TNK2: variants seen among roughly 807,000 people sequenced by gnomAD.
The protein encoded by TNK2 is tyrosine kinase non receptor 2, also known as activated CDC42 kinase 1.
TNK2 carries 83 observed loss-of-function variants against 101.8 expected under a neutral mutation model. The ratio of observed to expected loss-of-function variants is 0.82; its 90% CI spans 0.68 to 0.98. The LOEUF is 0.98. Among genes scored for constraint, TNK2 ranks in the 50% least tolerant of loss-of-function variants. The pLI is 0.00. For missense variants in TNK2, 1,665 were observed against 1,483.2 expected, an observed-to-expected ratio of 1.12 and a Z score of -2.01; for synonymous variants, 804 against 633.0, an observed-to-expected ratio of 1.27 and a Z score of -4.06.
At chr3:195,883,357 A>G in intron 4 of TNK2, 48 bp from the exon 5 acceptor site, 1 of 1,604,968 alleles carries the variant, frequency 6.2e-7, no homozygotes, top group South Asian at 1.1e-5. Context: ...CAGGTCCCAG[A>G]CACGCGGAGC....
intron 15 of TNK2, 106 bp downstream of exon 15, chr3:195,866,783 C>T: frequency 2.7e-6 from 4 of 1,474,762 alleles, no homozygotes; most frequent in Non-Finnish European, 2.7e-6. Flanking sequence ...GCTGTGTCTC[C>T]CTGGCCGGGA....
chr3:195,887,094 C>G, intron 2 of TNK2, 47 bp from the exon 3 acceptor site: 1 of 1,598,294 alleles, frequency 6.3e-7, no homozygotes, highest in Non-Finnish European at 8.6e-7. Flanking sequence ...CGCCGTAGCC[C>G]GAGAGAGGCT....
At position 195,888,889 on chromosome 3, in the gene TNK2, A is replaced by G. The variant is rs1332735916; in HGVS notation, c.-18-283T>C. Among the ~76,000 whole-genome samples the G allele has an allele frequency of 2.0e-5, 3 of 152,110 alleles. No homozygotes were observed. Among genetic ancestry groups the G allele is most frequent in the Non-Finnish European group, 4.4e-5 (3 of 68,028 alleles). ...ATCTGTGACTGAGTGACCCAAGATC[A>G]ACCTGTGCTCACATTCCTGCTCTAA... On this transcript the variant is annotated intron_variant, in intron 1 of 15. Transcript: ENST00000672887. This position sits in a 1 kb window ranked among gnomAD's most constrained non-coding sequence, Gnocchi z 5.3.
chr3:195,869,385 A>AGCCCCCC, intron 12 of TNK2, 112 bp downstream of exon 12: 2 of 893,000 alleles, frequency 2.2e-6, no homozygotes, highest in Non-Finnish European at 1.8e-6. Context: ...CACAGCACAC[A>AGCCCCCC]CCCACCCACC....
chr3:195,870,013 C>A, intron 11 of TNK2, 101 bp downstream of exon 11: 1 of 950,732 alleles, frequency 1.1e-6, no homozygotes, highest in South Asian at 1.9e-5. Context: ...ACCCCACTGT[C>A]CCCAAAAACA....
rs975185723 is a variant in TNK2 at position 195,885,349 on chromosome 3, C to T, written c.235-316G>A. 4.3e-5 allele frequency: 59 copies of T among 1,372,434 alleles called. No individual in the cohort carries two copies. The highest frequency in any genetic ancestry group is 2.8e-4 in the Middle Eastern group (1 of 3,620). 85.0% of individuals were successfully genotyped at this position (1,372,434 alleles called of 1,614,324 possible). A position where few individuals can be genotyped will look rare whatever the true frequency, so the allele number is the denominator to read the frequency against. On this transcript the variant is annotated intron_variant, in intron 3 of 15. Transcript: ENST00000672887. The surrounding 1 kb of genome is among the most constrained non-coding windows in gnomAD (Gnocchi z 4.7). ...GGCACCGCCCAGCCAAGGTCGGAGT[C>T]TCCTCCCAGTCCTGCCCCACCCTCC... is the stretch of plus-strand genomic sequence containing the variant.
chr3:195,869,258 T>TGGGAGGGA (rs1379454340), intron 12 of TNK2: 2 of 600,842 alleles, frequency 3.3e-6, no homozygotes, highest in Non-Finnish European at 5.9e-6. Flanking sequence ...CAGACAGGTC[T>TGGGAGGGA]GGGAGGGAGT....
At chr3:195,883,361 G>A (rs915739517) in intron 4 of TNK2, 52 bp from the exon 5 acceptor site, 30 of 1,602,522 alleles carry the variant, frequency 1.9e-5, no homozygotes, top group African/African-American at 1.1e-4. Context: ...TCCCAGACAC[G>A]CGGAGCCAAC....
intron 1 of TNK2, among the ~76,000 whole-genome samples, chr3:195,903,491 C>T (rs1445581028): frequency 6.6e-6 from 1 of 152,072 alleles, no homozygotes; most frequent in Admixed American, 6.5e-5. Flanking sequence ...CCGAGGCGGG[C>T]AGGTCACCTG....
chr3:195,895,595 G>T (rs573997750), intron 1 of TNK2: 1 of 1,311,596 alleles, frequency 7.6e-7, no homozygotes, highest in Non-Finnish European at 9.7e-7. Context: ...CAGTGAGCCA[G>T]CTGTGCCAGC....
rs1754963928 is a variant in TNK2, at chr3:195,884,992, A to T, written c.276T>A (p.His92Gln). ...GKRLEAEFPPHHSQSTFRKTS... is the reference protein window; with the variant it reads ...GKRLEAEFPPQHSQSTFRKTS... ...TCTTCCGGAAGGTGCTCTGAGAGTG[A>T]TGAGGTGGGAACTCAGCCTCCAGTC... Residue 92 changes from histidine (H) to glutamine (Q), a missense_variant, in exon 4 of 16, where the codon CAT becomes CAA. Coordinates refer to ENST00000672887, the MANE Select transcript of TNK2 (RefSeq NM_001382273.1). 6.2e-7 allele frequency: 1 copy of T among 1,612,288 alleles called. No homozygotes were observed. Among genetic ancestry groups the T allele is most frequent in the Non-Finnish European group, 8.5e-7 (1 of 1,178,986 alleles).
At chr3:195,869,627 G>A in intron 11 of TNK2, 86 bp from the exon 12 acceptor site, 6 of 1,335,720 alleles carry the variant, frequency 4.5e-6, no homozygotes, top group South Asian at 1.3e-5. Flanking sequence ...AGAGGGCAGA[G>A]TGTAGAGAGA....
In TNK2 at chr3:195,881,557, A is replaced by G. The variant is rs139091372; in HGVS notation, c.887+494T>C. Among the ~76,000 whole-genome samples, 306 of 31,084 alleles carry G rather than the reference A, an allele frequency of 9.8e-3. 4 individuals are homozygous for G. The highest frequency in any genetic ancestry group is 0.062 in the East Asian group (31 of 498). The allele number at this position is 31,084 out of a possible 152,430, so 20.4% of individuals were successfully genotyped here. A position where few individuals can be genotyped will look rare whatever the true frequency, so the allele number is the denominator to read the frequency against. Reference sequence around the variant, plus strand: ...ACACCCCCCCCAGCAATGCCCCTTGAAGAGGACACAGCATCTATCCCTGTA... The same window carrying G: ...ACACCCCCCCCAGCAATGCCCCTTGGAGAGGACACAGCATCTATCCCTGTA... On this transcript the variant is annotated intron_variant, in intron 6 of 15. Coordinates refer to ENST00000672887, the MANE Select transcript of TNK2 (RefSeq NM_001382273.1).
chr3:195,882,539 G>C lies in TNK2; in HGVS notation c.610-211C>G. ...TGGGAAACTGATGCCTAGAGAGAAG[G>C]AGCCCAAAGAGGCAGTGGCTAGAAA... On this transcript the variant is annotated intron_variant, in intron 5 of 15. Coordinates refer to ENST00000672887, the MANE Select transcript of TNK2 (RefSeq NM_001382273.1). The surrounding 1 kb of genome is among the most constrained non-coding windows in gnomAD (Gnocchi z 4.2). 1 of 1,529,616 alleles carries C rather than the reference G, an allele frequency of 6.5e-7. No individual in the cohort carries two copies. Among genetic ancestry groups the C allele is most frequent in the Non-Finnish European group, 8.7e-7 (1 of 1,143,158 alleles). 94.8% of individuals were successfully genotyped at this position (1,529,616 alleles called of 1,614,324 possible).
At chr3:195,899,602 T>C (rs993421944) in intron 1 of TNK2, among the ~76,000 whole-genome samples, 1 of 152,200 alleles carries the variant, frequency 6.6e-6, no homozygotes, top group Non-Finnish European at 1.5e-5. Flanking sequence ...AGGGCTGAGA[T>C]TATAGGCGTG....
chr3:195,888,506 T>A lies in TNK2; in HGVS notation c.83A>T (p.Asp28Val). 1 of 1,613,744 alleles carries A rather than the reference T, an allele frequency of 6.2e-7. No individual in the cohort carries two copies. The highest frequency in any genetic ancestry group is 2.2e-5 in the East Asian group (1 of 44,862). ...QLQQYFLRLR[D>V]DLNVTRLSHF... is the part of the protein sequence containing the mutation. ...GGACAGGCGGGTGACGTTGAGGTCA[T>A]CTCGGAGCCGCAGGAAGTACTGTTG... Residue 28 changes from aspartate (D) to valine (V), a missense_variant, in exon 2 of 16, where the codon GAT (aspartate) becomes GTT (valine). Asp to Val is a radical substitution (Grantham distance 152). This residue lies in a region of TNK2 where 490 missense variants were observed against 522.5 expected (regional missense o/e 0.94). Coordinates refer to ENST00000672887, the MANE Select transcript of TNK2 (RefSeq NM_001382273.1). The surrounding 1 kb of genome is among the most constrained non-coding windows in gnomAD (Gnocchi z 5.3).
intron 1 of TNK2, chr3:195,892,409 ACT>A: frequency 6.5e-7 from 1 of 1,529,594 alleles, no homozygotes; most frequent in South Asian, 1.2e-5. Flanking sequence ...CCCCCCACTC[ACT>A]GTGTACAGGC....
rs1285479109 is a variant in TNK2, at chr3:195,892,021, C to T, written c.-18-3415G>A. On this transcript the variant is annotated intron_variant, in intron 1 of 15. Transcript: ENST00000672887. Reference sequence around the variant, plus strand: ...AACTCCGGGATGCTGGTGAGGCAAGCGGTCAGGGTCTCAGTCCAGGGTGAC... The same window carrying T: ...AACTCCGGGATGCTGGTGAGGCAAGTGGTCAGGGTCTCAGTCCAGGGTGAC... 1.1e-5 allele frequency: 11 copies of T among 1,025,314 alleles called. No homozygotes were observed. In the South Asian group the frequency reaches 3.1e-4, roughly 29 times the overall value. The allele number at this position is 1,025,314 out of a possible 1,614,324, so 63.5% of individuals were successfully genotyped here.
In TNK2 at chr3:195,868,124, A is replaced by T; in HGVS notation, c.2174T>A (p.Leu725Gln). ...CAGTTGCCTCATGCACTCCTGCTGT[A>T]GCGCCTGGAAGATCTCTGCGGTCTG... ...SAQTAEIFQA[L>Q]QQECMRQLQA... Residue 725 changes from leucine (L) to glutamine (Q), a missense_variant, in exon 13 of 16, where the codon CTA becomes CAA. Leu to Gln is a moderately radical substitution (Grantham distance 113). Around this residue, in one of 3 missense-constraint regions of TNK2, gnomAD observed 1,136 missense variants for 894.9 expected, o/e 1.27. Coordinates refer to ENST00000672887, the MANE Select transcript of TNK2 (RefSeq NM_001382273.1). 6.2e-7 allele frequency: 1 copy of T among 1,611,560 alleles called. No homozygotes were observed. Among genetic ancestry groups the T allele is most frequent in the Non-Finnish European group, 8.5e-7 (1 of 1,179,488 alleles).
Sources: allele counts gnomAD v4.1 joint callset (sites outside exome capture counted in the v4.1 genomes callset), GRCh38; gene constraint gnomAD v4.1.1; regional missense constraint gnomAD v4.1.1; non-coding constraint Gnocchi (gnomAD v3.1); transcripts MANE v1.5; gene names NCBI Gene and HGNC (gene_info 2026-07-23, HGNC 2026-07-21).